GTF2E1: variants seen among roughly 807,000 people sequenced by gnomAD.
The protein encoded by GTF2E1 is general transcription factor IIE subunit 1.
A neutral mutation model predicts 34.9 loss-of-function variants in GTF2E1; 14 were observed. The ratio of observed to expected loss-of-function variants is 0.40; its 90% CI spans 0.27 to 0.63. GTF2E1 has a LOEUF of 0.63. Among genes scored for constraint, GTF2E1 ranks in the 20% least tolerant of loss-of-function variants. The pLI is 0.39. For missense variants in GTF2E1, 469 were observed against 557.7 expected, an observed-to-expected ratio of 0.84 and a Z score of 1.60; for synonymous variants, 188 against 192.9, an observed-to-expected ratio of 0.97 and a Z score of 0.21.
In GTF2E1 at chr3:120,781,361, C is replaced by G. The variant is rs768840584; in HGVS notation, c.1211C>G (p.Ser404Cys). ...GTCATGGTGGCTGGCCGTCCGTTCTCCTACAGTGAAGTGAGCCAACGGCCA... is the reference window on the plus strand; with the variant it reads ...GTCATGGTGGCTGGCCGTCCGTTCTGCTACAGTGAAGTGAGCCAACGGCCA... ...PIVMVAGRPF[S>C]YSEVSQRPEL... The change falls in exon 5 of 5, where the codon TCC (serine) becomes TGC (cysteine). Residue 404 changes from serine (S) to cysteine (C), a missense_variant. By Grantham distance (112) the Ser-to-Cys change is moderately radical (BLOSUM62 -1). Coordinates refer to ENST00000283875, the MANE Select transcript of GTF2E1 (RefSeq NM_005513.3). 1.2e-6 allele frequency: 2 copies of G among 1,613,966 alleles called. No homozygotes were observed. The highest frequency in any genetic ancestry group is 1.7e-6 in the Non-Finnish European group (2 of 1,179,964).
intron 1 of GTF2E1, 36 bp from the exon 2 acceptor site, chr3:120,750,487 A>G (rs1458693017): frequency 1.6e-6 from 2 of 1,273,002 alleles, no homozygotes; most frequent in Non-Finnish European, 2.2e-6. Flanking sequence ...CCATGTTCTT[A>G]TACCTGGCTA....
chr3:120,766,272 TAAG>T (rs777308900), intron 2 of GTF2E1, among the ~76,000 whole-genome samples: 3 of 152,162 alleles, frequency 2.0e-5, no homozygotes, highest in Non-Finnish European at 4.4e-5. Context: ...GACACTCAGT[TAAG>T]AACTGCCTTA....
At chr3:120,766,362 A>G (rs1345532993) in intron 2 of GTF2E1, among the ~76,000 whole-genome samples, 1 of 152,180 alleles carries the variant, frequency 6.6e-6, no homozygotes, top group Non-Finnish European at 1.5e-5. Context: ...TGTCTTTCCT[A>G]ACACCCTTCT....
At chr3:120,743,540 A>T (rs1285069772) in intron 1 of GTF2E1, among the ~76,000 whole-genome samples, 1 of 152,182 alleles carries the variant, frequency 6.6e-6, no homozygotes, top group Non-Finnish European at 1.5e-5. Flanking sequence ...ATTGGTGAAC[A>T]AGATGAAGTC....
chr3:120,750,106 T>C (rs577653110), intron 1 of GTF2E1, among the ~76,000 whole-genome samples: 35 of 152,324 alleles, frequency 2.3e-4, no homozygotes, highest in Admixed American at 1.0e-3. Flanking sequence ...TCCTAGAATC[T>C]TGGTAGAAAA....
intron 1 of GTF2E1, among the ~76,000 whole-genome samples, chr3:120,747,426 T>C (rs1250200260): frequency 1.3e-5 from 2 of 152,074 alleles, no homozygotes; most frequent in Non-Finnish European, 2.9e-5. Flanking sequence ...GGCCCCAGTG[T>C]GTGATGTTCG....
At position 120,781,909 on chromosome 3, in the gene GTF2E1, T is replaced by A. The variant is rs571024854; in HGVS notation, c.*439T>A. 6.3e-6 allele frequency: 1 copy of A among 158,822 alleles called. No homozygotes were observed. Among genetic ancestry groups the A allele is most frequent in the Non-Finnish European group, 1.4e-5 (1 of 71,524 alleles). The allele number at this position is 158,822 out of a possible 1,614,324, so 9.8% of individuals were successfully genotyped here. A position where few individuals can be genotyped will look rare whatever the true frequency, so the allele number is the denominator to read the frequency against. On this transcript the variant is annotated 3_prime_UTR_variant, in exon 5 of 5. Coordinates refer to ENST00000283875, the MANE Select transcript of GTF2E1 (RefSeq NM_005513.3). ...TTTTGTATTTTTAGTAGAGGCAGGGTTTCACCATGTTAGCCAGGATGATCT... is the reference window on the plus strand; with the variant it reads ...TTTTGTATTTTTAGTAGAGGCAGGGATTCACCATGTTAGCCAGGATGATCT...
intron 2 of GTF2E1, among the ~76,000 whole-genome samples, chr3:120,754,651 T>C (rs1243347371): frequency 1.3e-5 from 2 of 152,142 alleles, no homozygotes; most frequent in African/African-American, 4.8e-5. Flanking sequence ...AAAACATATA[T>C]GGCATTGTAG....
intron 1 of GTF2E1, among the ~76,000 whole-genome samples, chr3:120,744,049 C>A (rs979092602): frequency 2.0e-5 from 3 of 152,158 alleles, no homozygotes; most frequent in Non-Finnish European, 4.4e-5. Flanking sequence ...AGCCATACTC[C>A]TTCCCTAATA....
intron 1 of GTF2E1, among the ~76,000 whole-genome samples, chr3:120,747,901 T>G (rs989544071): frequency 2.8e-4 from 43 of 152,206 alleles, no homozygotes; most frequent in African/African-American, 9.4e-4. Context: ...CCACATCCTC[T>G]CCAGCACCTG....
chr3:120,758,143 G>A (rs534625777), intron 2 of GTF2E1, among the ~76,000 whole-genome samples: 8 of 152,248 alleles, frequency 5.3e-5, no homozygotes, highest in African/African-American at 1.7e-4. Context: ...GCAACAGAGC[G>A]AAACTCTGTC....
At position 120,757,233 on chromosome 3, in the gene GTF2E1, G is replaced by A. The variant is rs114496866; in HGVS notation, c.448+6233G>A. 7.7e-3 allele frequency among the ~76,000 whole-genome samples: 1,177 copies of A among 152,158 alleles called. 7 individuals carry two copies. The highest frequency in any genetic ancestry group is 0.022 in the South Asian group (106 of 4,818). ...CTTCTTCCCCCACATTGTACCTTTTGTCCCCTTTATCATAAGTTCCAGAAT... is the reference window on the plus strand; with the variant it reads ...CTTCTTCCCCCACATTGTACCTTTTATCCCCTTTATCATAAGTTCCAGAAT... On this transcript the variant is annotated intron_variant, in intron 2 of 4. Transcript: ENST00000283875.
intron 1 of GTF2E1, among the ~76,000 whole-genome samples, chr3:120,748,857 A>C (rs1709134344): frequency 6.6e-6 from 1 of 152,186 alleles, no homozygotes; most frequent in African/African-American, 2.4e-5. Context: ...GGCCATTTTC[A>C]CGATATTGAT....
In GTF2E1 at chr3:120,770,831, T is replaced by C; in HGVS notation, c.552T>C (p.Ile184=). The C allele has an allele frequency of 6.2e-7, 1 of 1,613,354 alleles. No homozygotes were observed. The highest frequency in any genetic ancestry group is 2.2e-5 in the East Asian group (1 of 44,878). The part of the protein sequence containing the change: ...RTLLARFNEQ[I]EPIYALLRET... Reference sequence around the variant, plus strand: ...TTTTGGCAAGGTTTAATGAACAAATTGAGCCCATTTATGCATTGCTTCGGG... The same window carrying C: ...TTTTGGCAAGGTTTAATGAACAAATCGAGCCCATTTATGCATTGCTTCGGG... Residue 184 remains isoleucine, a synonymous_variant, in exon 3 of 5, where the codon ATT becomes ATC. Transcript: ENST00000283875.
intron 1 of GTF2E1, among the ~76,000 whole-genome samples, chr3:120,747,709 C>T (rs61796375): frequency 1.3e-5 from 2 of 152,324 alleles, no homozygotes; most frequent in East Asian, 1.9e-4. Context: ...AGTAAACATA[C>T]GTGTGCATGT....
At chr3:120,761,441 G>A (rs965829562) in intron 2 of GTF2E1, among the ~76,000 whole-genome samples, 2 of 152,070 alleles carry the variant, frequency 1.3e-5, no homozygotes, top group African/African-American at 4.8e-5. Context: ...TCTGATCTTA[G>A]TTATTTCTTG....
chr3:120,780,665 C>T (rs1264577577), intron 4 of GTF2E1, among the ~76,000 whole-genome samples: 4 of 152,116 alleles, frequency 2.6e-5, no homozygotes, highest in Admixed American at 2.0e-4. Flanking sequence ...CTACTCTAGT[C>T]GATTCTTCAT....
At chr3:120,762,818 C>T (rs1410359782) in intron 2 of GTF2E1, among the ~76,000 whole-genome samples, 1 of 152,160 alleles carries the variant, frequency 6.6e-6, no homozygotes, top group South Asian at 2.1e-4. Context: ...TCATCCTATT[C>T]TATACCATAT....
At chr3:120,776,240 C>G (rs527924050) in intron 3 of GTF2E1, among the ~76,000 whole-genome samples, 183 bp from the exon 4 acceptor site, 1 of 152,118 alleles carries the variant, frequency 6.6e-6, no homozygotes, top group Non-Finnish European at 1.5e-5. Flanking sequence ...GTTTTTCTAA[C>G]GCATACAACT....
Sources: allele counts gnomAD v4.1 joint callset (sites outside exome capture counted in the v4.1 genomes callset), GRCh38; gene constraint gnomAD v4.1.1; transcripts MANE v1.5; gene names NCBI Gene and HGNC (gene_info 2026-07-23, HGNC 2026-07-21).